Variants in FBLN7 observed in about 807,000 individuals in gnomAD.
FBLN7 encodes fibulin 7.
FBLN7 carries 31 observed loss-of-function variants against 44.0 expected under a neutral mutation model. The ratio of observed to expected loss-of-function variants is 0.70; its 90% CI spans 0.53 to 0.95. The LOEUF is 0.95. Among genes scored for constraint, FBLN7 ranks in the 40% least tolerant of loss-of-function variants. The pLI, the probability that FBLN7 is intolerant of heterozygous loss-of-function variation, is 0.00. For synonymous variants in FBLN7, 262 were observed against 253.4 expected, an observed-to-expected ratio of 1.03 and a Z score of -0.32; for missense variants, 573 against 618.5, an observed-to-expected ratio of 0.93 and a Z score of 0.78.
chr2:112,149,359 G>A (rs547502770), intron 1 of FBLN7, among the ~76,000 whole-genome samples: 13 of 152,176 alleles, frequency 8.5e-5, no homozygotes, highest in South Asian at 2.1e-4. Context: ...AATCAGGAAC[G>A]GATGTCCTCC....
chr2:112,205,248 A>G, the FBLN7 span, among the ~76,000 whole-genome samples: 16 of 152,128 alleles, frequency 1.1e-4, no homozygotes, highest in African/African-American at 3.9e-4. Flanking sequence ...TATTTAACAC[A>G]AAAGAAGCCA....
Position 112,138,586 on chromosome 2 carries a change from C to A in FBLN7, c.-70C>A. ...CACCCTGCAGGGACGGCTGCCGCAT[C>A]GCTGGGACAAACTCGGCAGCGGAGG... On this transcript the variant is annotated 5_prime_UTR_variant, in exon 1 of 8. Transcript: ENST00000331203. The A allele has an allele frequency of 6.2e-7, 1 of 1,605,468 alleles. No homozygotes were observed.
intron 1 of FBLN7, 88 bp downstream of exon 1, chr2:112,138,818 GTCCC>G (rs1290958717): frequency 1.8e-6 from 1 of 567,108 alleles, no homozygotes; most frequent in African/African-American, 1.1e-4. Flanking sequence ...CCAGGCCAGC[GTCCC>G]TCCCGCCTCT....
At chr2:112,156,144 G>A (rs926513700) in intron 1 of FBLN7, among the ~76,000 whole-genome samples, 1 of 152,174 alleles carries the variant, frequency 6.6e-6, no homozygotes, top group Non-Finnish European at 1.5e-5. Flanking sequence ...AACTTTGCAC[G>A]GGAGTGAGAA....
chr2:112,231,884 A>C, the FBLN7 span: 1 of 1,593,368 alleles, frequency 6.3e-7, no homozygotes, highest in South Asian at 1.1e-5. Context: ...AGCATGAGAA[A>C]ACTTGCAGTA....
rs558344765 is a variant in FBLN7, at chr2:112,138,750, C to G, written c.75+20C>G. On this transcript the variant is annotated intron_variant, in intron 1 of 7. Coordinates refer to ENST00000331203, the MANE Select transcript of FBLN7 (RefSeq NM_153214.3). The stretch of plus-strand genomic sequence containing the variant: ...TCCCAGGTCAGTGTCCCTCCCGCCT[C>G]TCTCCAGGCCAGTGTCCCTCCCGCC... 2.1e-5 allele frequency: 34 copies of G among 1,586,910 alleles called. No homozygotes were observed. In the Middle Eastern group the frequency reaches 6.6e-4, roughly 31 times the overall value.
At chr2:112,212,759 G>C in the FBLN7 span, 1 of 152,086 alleles carries the variant, frequency 6.6e-6, no homozygotes, top group Admixed American at 6.5e-5. Context: ...CCTATTATAA[G>C]ACTGTAATAA....
At chr2:112,227,311 G>C in the FBLN7 span, among the ~76,000 whole-genome samples, 1 of 152,230 alleles carries the variant, frequency 6.6e-6, no homozygotes, top group Non-Finnish European at 1.5e-5. Flanking sequence ...GATCGCCTGA[G>C]GTCAGGAGTT....
At chr2:112,152,349 C>G (rs902773312) in intron 1 of FBLN7, 1 of 152,294 alleles carries the variant, frequency 6.6e-6, no homozygotes, top group African/African-American at 2.4e-5. Context: ...TTTTTGTCAT[C>G]GCTCCTGTGG....
In FBLN7 at chr2:112,138,711, C is replaced by A. The variant is rs201429460; in HGVS notation, c.56C>A (p.Pro19His). ...LFLLLLILAC[P>H]EPRASQNCLS... The stretch of plus-strand genomic sequence containing the variant: ...CTTCTGCTCCTGATCCTCGCCTGCC[C>A]CGAGCCGCGGGCTTCCCAGGTCAGT... The change falls in exon 1 of 8, where the codon CCC (proline) becomes CAC (histidine). Residue 19 changes from proline (P) to histidine (H), a missense_variant. By Grantham distance (77) the Pro-to-His change is moderately conservative. Transcript: ENST00000331203. 8 of 1,613,096 alleles carry A rather than the reference C, an allele frequency of 5.0e-6. No homozygotes were observed. In the Admixed American group the frequency reaches 1.3e-4, roughly 27 times the overall value.
At chr2:112,226,855 T>C in the FBLN7 span, among the ~76,000 whole-genome samples, 1 of 152,154 alleles carries the variant, frequency 6.6e-6, no homozygotes, top group Non-Finnish European at 1.5e-5. Flanking sequence ...TAATAAATTA[T>C]ATACAACATG....
At chr2:112,176,010 C>A in intron 4 of FBLN7, 171 bp downstream of exon 4, 1 of 732,536 alleles carries the variant, frequency 1.4e-6, no homozygotes, top group Non-Finnish European at 2.1e-6. Flanking sequence ...AAGGTGGTCA[C>A]TTGACAGAGC....
chr2:112,145,029 T>C (rs1255170323), intron 1 of FBLN7, among the ~76,000 whole-genome samples: 1 of 152,224 alleles, frequency 6.6e-6, no homozygotes, highest in Non-Finnish European at 1.5e-5. Context: ...ACTGCCCAAC[T>C]ATATTCTGTA....
intron 4 of FBLN7, among the ~76,000 whole-genome samples, chr2:112,178,263 A>AAC (rs1682823761): frequency 6.6e-6 from 1 of 151,734 alleles, no homozygotes; most frequent in Admixed American, 6.6e-5. Flanking sequence ...AATACAAAAA[A>AAC]AAAAACCAAA....
chr2:112,226,314 C>A, the FBLN7 span, among the ~76,000 whole-genome samples: 1 of 151,384 alleles, frequency 6.6e-6, no homozygotes, highest in Admixed American at 6.6e-5. Flanking sequence ...AGCGGCTGGG[C>A]GCGGTAGCTC....
chr2:112,157,966 G>A (rs191483515), intron 1 of FBLN7, among the ~76,000 whole-genome samples: 7 of 148,724 alleles, frequency 4.7e-5, no homozygotes, highest in Admixed American at 1.4e-4. Context: ...GCGCGATCTC[G>A]GCTCACTGCA....
intron 4 of FBLN7, among the ~76,000 whole-genome samples, chr2:112,180,231 A>G (rs1294300359): frequency 6.6e-6 from 1 of 152,090 alleles, no homozygotes; most frequent in South Asian, 2.1e-4. Flanking sequence ...AAGCATATGG[A>G]AAAAAAAGCT....
At position 112,169,437 on chromosome 2, in the gene FBLN7, G is replaced by A. The variant is rs535171837; in HGVS notation, c.406+4266G>A. Among the ~76,000 whole-genome samples, 12 of 152,176 alleles carry A rather than the reference G, an allele frequency of 7.9e-5. No homozygotes were observed. In the South Asian group the frequency reaches 2.1e-3, roughly 26 times the overall value. On this transcript the variant is annotated intron_variant, in intron 3 of 7. Transcript: ENST00000331203. The stretch of plus-strand genomic sequence containing the variant: ...TCTCTGAAGGCCATGTTTTTAAGAC[G>A]TAAAGCTTTCTGAATTGGTAACCAT...
At chr2:112,188,569 T>C (rs1204731419), downstream of FBLN7, 1 of 152,176 alleles carries the variant, frequency 6.6e-6, no homozygotes, top group African/African-American at 2.4e-5. Context: ...GTGGGGAAGA[T>C]CATTCAAGCT....
Sources: allele counts gnomAD v4.1 joint callset (sites outside exome capture counted in the v4.1 genomes callset), GRCh38; gene constraint gnomAD v4.1.1; transcripts MANE v1.5; gene names NCBI Gene and HGNC (gene_info 2026-07-23, HGNC 2026-07-21).